ATAD2B: variants seen among roughly 807,000 people sequenced by gnomAD.
ATAD2B encodes ATPase family AAA domain containing 2B.
Under a neutral mutation model 167.6 loss-of-function variants are expected in ATAD2B, and 40 were observed. The observed-to-expected ratio is 0.24, with a 90% CI of 0.19 to 0.31. The LOEUF is 0.31. Among genes scored for constraint, ATAD2B ranks in the 10% least tolerant of loss-of-function variants. ATAD2B has a pLI of 1.00. For missense variants in ATAD2B, 1,242 were observed against 1,757.2 expected, an observed-to-expected ratio of 0.71 and a Z score of 5.24; for synonymous variants, 579 against 596.5, an observed-to-expected ratio of 0.97 and a Z score of 0.43.
intron 27 of ATAD2B, 51 bp from the exon 28 acceptor site, chr2:23,752,138 G>T: frequency 7.7e-7 from 1 of 1,300,244 alleles, no homozygotes; most frequent in Non-Finnish European, 1.1e-6. Context: ...AGACAAAAGT[G>T]TTCCTCATTA....
At chr2:23,686,481 C>T in the ATAD2B span, among the ~76,000 whole-genome samples, 3 of 152,096 alleles carry the variant, frequency 2.0e-5, no homozygotes, top group African/African-American at 7.2e-5. Flanking sequence ...TCAAGTGATG[C>T]CCAGGTCTCC....
intron 27 of ATAD2B, among the ~76,000 whole-genome samples, 192 bp downstream of exon 27, chr2:23,753,987 G>A (rs997423361): frequency 2.0e-5 from 3 of 152,142 alleles, no homozygotes; most frequent in African/African-American, 7.2e-5. Flanking sequence ...CTTCTTTCCA[G>A]AGACAAAATG....
At chr2:23,680,098 G>T in the ATAD2B span, among the ~76,000 whole-genome samples, 3 of 152,182 alleles carry the variant, frequency 2.0e-5, no homozygotes, top group Non-Finnish European at 4.4e-5. The surrounding 1 kb of genome is among the most constrained non-coding windows in gnomAD (Gnocchi z 4.1). Flanking sequence ...GCCTGGAGGG[G>T]GACAGGCTGG....
chr2:23,735,720 G>A, the ATAD2B span, among the ~76,000 whole-genome samples: 14 of 152,292 alleles, frequency 9.2e-5, no homozygotes, highest in South Asian at 1.2e-3. Context: ...GTCTTATGAC[G>A]CAAGTGGTCC....
intron 1 of ATAD2B, 70 bp from the exon 2 acceptor site, chr2:23,896,040 C>G: frequency 7.6e-7 from 1 of 1,309,556 alleles, no homozygotes; most frequent in Middle Eastern, 2.6e-4. Context: ...TACTAGGGGC[C>G]AGGCAGTGGC....
the ATAD2B span, chr2:23,696,812 G>A: frequency 2.0e-4 from 63 of 318,484 alleles, no homozygotes; most frequent in African/African-American, 1.3e-3. This position sits in a 1 kb window ranked among gnomAD's most constrained non-coding sequence, Gnocchi z 5.5. Flanking sequence ...TCCAGTTGCA[G>A]AAGGCCTGGG....
chr2:23,762,642 A>G (rs1050444317), intron 23 of ATAD2B, among the ~76,000 whole-genome samples: 8 of 152,278 alleles, frequency 5.3e-5, no homozygotes, highest in African/African-American at 1.7e-4. Flanking sequence ...ATGACTGTGG[A>G]ACAATAAGAT....
At chr2:23,695,959 G>C in the ATAD2B span, 5 of 1,551,316 alleles carry the variant, frequency 3.2e-6, no homozygotes, top group African/African-American at 6.8e-5. This position sits in a 1 kb window ranked among gnomAD's most constrained non-coding sequence, Gnocchi z 7.6. Flanking sequence ...AGGTGTGGCT[G>C]AGGTCATCGT....
chr2:23,788,770 G>A (rs930275240), intron 19 of ATAD2B, 123 bp from the exon 20 acceptor site: 34 of 835,902 alleles, frequency 4.1e-5, no homozygotes, highest in Admixed American at 5.8e-5. Flanking sequence ...CCATTCACAT[G>A]GGGTTATAGT....
chr2:23,767,983 A>AT (rs1459950389), intron 22 of ATAD2B, among the ~76,000 whole-genome samples: 1 of 152,178 alleles, frequency 6.6e-6, no homozygotes, highest in Non-Finnish European at 1.5e-5. Flanking sequence ...AGCTTCAGGC[A>AT]TTTCAGTTTG....
At chr2:23,881,278 T>C (rs890887863) in intron 6 of ATAD2B, among the ~76,000 whole-genome samples, 5 of 151,810 alleles carry the variant, frequency 3.3e-5, no homozygotes, top group Non-Finnish European at 5.9e-5. Flanking sequence ...GGTAGCAAAG[T>C]GCACATAAGC....
intron 11 of ATAD2B, 38 bp from the exon 12 acceptor site, chr2:23,863,593 TATC>T: frequency 1.0e-5 from 15 of 1,504,052 alleles, no homozygotes; most frequent in Non-Finnish European, 1.3e-5. Flanking sequence ...TAAATTATAT[TATC>T]ATCACTGCTG....
chr2:23,752,364 G>C (rs1339151760), intron 27 of ATAD2B, among the ~76,000 whole-genome samples: 2 of 151,616 alleles, frequency 1.3e-5, no homozygotes, highest in African/African-American at 4.8e-5. Flanking sequence ...TATGAGGTAT[G>C]ATATGAGTAA....
intron 8 of ATAD2B, among the ~76,000 whole-genome samples, chr2:23,875,413 T>C (rs914213400): frequency 1.3e-5 from 2 of 151,858 alleles, no homozygotes; most frequent in Admixed American, 6.6e-5. Context: ...GGCAGGAGAA[T>C]TGCTTGAACC....
At chr2:23,681,369 C>T in the ATAD2B span, among the ~76,000 whole-genome samples, 6 of 152,200 alleles carry the variant, frequency 3.9e-5, no homozygotes, top group South Asian at 2.1e-4. This position sits in a 1 kb window ranked among gnomAD's most constrained non-coding sequence, Gnocchi z 4.2. Flanking sequence ...AACCTCCAAG[C>T]GCCTTCCAGG....
At chr2:23,906,380 A>G (rs1701496434) in intron 1 of ATAD2B, among the ~76,000 whole-genome samples, 1 of 152,132 alleles carries the variant, frequency 6.6e-6, no homozygotes, top group Admixed American at 6.6e-5. Flanking sequence ...CACTATTTAT[A>G]AAGTTAAAAG....
chr2:23,898,045 A>G (rs1459974429), intron 1 of ATAD2B, among the ~76,000 whole-genome samples: 2 of 152,192 alleles, frequency 1.3e-5, no homozygotes, highest in African/African-American at 4.8e-5. Context: ...CCTGGACTCA[A>G]GCAATCCTCT....
At chr2:23,859,539 G>A (rs948574793) in intron 12 of ATAD2B, among the ~76,000 whole-genome samples, 5 of 148,940 alleles carry the variant, frequency 3.4e-5, no homozygotes, top group African/African-American at 1.2e-4. Flanking sequence ...TTATTTTAAA[G>A]GTGAATGCTC....
intron 22 of ATAD2B, among the ~76,000 whole-genome samples, chr2:23,776,622 G>C (rs889989264): frequency 2.0e-5 from 3 of 152,052 alleles, no homozygotes; most frequent in Admixed American, 6.6e-5. Flanking sequence ...CCTCAGCCTA[G>C]AGTCAATGCC....
Sources: gnomAD v4.1 joint callset for allele counts (sites outside exome capture counted in the v4.1 genomes callset) on GRCh38, gnomAD v4.1.1 for gene constraint, Gnocchi (gnomAD v3.1) non-coding constraint, MANE v1.5 for transcripts, NCBI Gene and HGNC (gene_info 2026-07-23, HGNC 2026-07-21) for gene names.